RFX4: variants seen among roughly 807,000 people sequenced by gnomAD.
RFX4 encodes the protein transcription factor RFX4.
A neutral mutation model predicts 95.0 loss-of-function variants in RFX4; 10 were observed. That is an observed-to-expected ratio of 0.11 (90% confidence interval 0.06 to 0.18). The LOEUF (loss-of-function observed/expected upper bound fraction) is 0.18, where lower values mean the gene tolerates loss of function less well. Ranked by LOEUF, RFX4 falls within the 10% of genes least tolerant of loss-of-function variation. The pLI is 1.00. For synonymous variants in RFX4, 321 were observed against 340.7 expected (o/e 0.94, Z 0.64); for missense variants, 640 against 922.0 (o/e 0.69, Z 3.96).
chr12:106,600,401 G>C (rs77330491), intron 1 of RFX4, among the ~76,000 whole-genome samples: 1 of 149,356 alleles, frequency 6.7e-6, no homozygotes, highest in African/African-American at 2.5e-5. Context: ...TTTTTCTCTC[G>C]CGTGGCACTC....
chr12:106,601,946 C>T lies in RFX4; in HGVS notation c.44-6851C>T, dbSNP rs546837659. Among the ~76,000 whole-genome samples the T allele has an allele frequency of 2.6e-5, 4 of 152,330 alleles. No homozygotes were observed. In the South Asian group the frequency reaches 6.2e-4, roughly 24 times the overall value. ...TAAGGACCAGCTGAAATGCCACCCCCTCTGTGAAGCAGCCAGGCTTTCCTC... is the reference window on the plus strand; with the variant it reads ...TAAGGACCAGCTGAAATGCCACCCCTTCTGTGAAGCAGCCAGGCTTTCCTC... On this transcript the variant is annotated intron_variant, in intron 1 of 17. Coordinates refer to ENST00000392842, the MANE Select transcript of RFX4 (RefSeq NM_213594.3).
At chr12:106,688,020 TG>T (rs2041697300) in intron 6 of RFX4, among the ~76,000 whole-genome samples, 1 of 151,800 alleles carries the variant, frequency 6.6e-6, no homozygotes, top group Non-Finnish European at 1.5e-5. Context: ...AGCAAGTTAC[TG>T]GAAAAATAAA....
intron 4 of RFX4, among the ~76,000 whole-genome samples, chr12:106,680,356 C>T (rs1469188759): frequency 8.5e-5 from 13 of 152,158 alleles, no homozygotes; most frequent in African/African-American, 2.2e-4. Context: ...TAGTTGAGAT[C>T]ACCAACACCT....
At chr12:106,745,135 C>T (rs2042868591) in intron 15 of RFX4, among the ~76,000 whole-genome samples, 1 of 152,032 alleles carries the variant, frequency 6.6e-6, no homozygotes, top group Admixed American at 6.6e-5. Context: ...TTTTTTGCCT[C>T]CAATTCTGCT....
chr12:106,612,348 T>A (rs1422385868), intron 2 of RFX4, among the ~76,000 whole-genome samples: 1 of 152,234 alleles, frequency 6.6e-6, no homozygotes, highest in African/African-American at 2.4e-5. Flanking sequence ...TATTCCTAAG[T>A]ATTTTATTCT....
Position 106,689,298 on chromosome 12 carries a change from T to A in RFX4, c.603T>A (p.Phe201Leu). The change falls in exon 7 of 18, where the codon TTT becomes TTA. Residue 201 changes from phenylalanine to leucine, a missense_variant. This residue lies in a region of RFX4 where 89 missense variants were observed against 173.8 expected (regional missense o/e 0.51). Transcript: ENST00000392842. The stretch of plus-strand genomic sequence containing the variant: ...ACACACCCCCACAGGTTTCTACCTT[T>A]ATTATGATGTACAGAACACACTGTC... Reference protein sequence around the residue: ...ASLPEEKVSTFIMMYRTHCQR... With the variant: ...ASLPEEKVSTLIMMYRTHCQR... 1.9e-6 allele frequency: 3 copies of A among 1,613,470 alleles called. No homozygotes were observed. In the South Asian group the frequency reaches 3.3e-5, roughly 18 times the overall value.
chr12:106,597,055 C>T (rs554254333), intron 1 of RFX4, among the ~76,000 whole-genome samples: 2 of 152,344 alleles, frequency 1.3e-5, no homozygotes, highest in East Asian at 3.9e-4. Context: ...ATGTGCTAGG[C>T]ACAGTGTGAG....
At chr12:106,740,451 G>C (rs2042786588) in intron 15 of RFX4, among the ~76,000 whole-genome samples, 1 of 152,098 alleles carries the variant, frequency 6.6e-6, no homozygotes, top group South Asian at 2.1e-4. Context: ...TTCTTTAAAG[G>C]AATGGAATCA....
chr12:106,639,295 CCTACTGAAGTTAG>C (rs2040572204), intron 2 of RFX4, 24 bp from the exon 3 acceptor site: 1 of 1,581,324 alleles, frequency 6.3e-7, no homozygotes. Context: ...CCTACTGTTT[CCTACTGAAGTTAG>C]CTTCTTTTTC....
Position 106,583,223 on chromosome 12 carries a change from T to TACCAAACAA in RFX4, c.-98_-97insACCAAACAA. On this transcript the variant is annotated 5_prime_UTR_variant, in exon 1 of 18. Transcript: ENST00000392842. ...TTCTGCGTCTCTCTCTCTCCCCTTC[T>TACCAAACAA]CCCTCCCTCCCTCCCTTCCTCCCTG... is the stretch of plus-strand genomic sequence containing the variant. 1.3e-6 allele frequency: 1 copy of TACCAAACAA among 782,864 alleles called. No homozygotes were observed. The allele number at this position is 782,864 out of a possible 1,614,324, so 48.5% of individuals were successfully genotyped here.
At chr12:106,653,020 T>C (rs1218909060) in intron 3 of RFX4, among the ~76,000 whole-genome samples, 1 of 152,216 alleles carries the variant, frequency 6.6e-6, no homozygotes, top group African/African-American at 2.4e-5. Context: ...TCCTAAAATC[T>C]AGTTAATGAT....
At chr12:106,752,752 G>A (rs1237107900) in intron 17 of RFX4, among the ~76,000 whole-genome samples, 1 of 152,082 alleles carries the variant, frequency 6.6e-6, no homozygotes, top group Non-Finnish European at 1.5e-5. Flanking sequence ...ACATCTCCTT[G>A]GGCTCCTCAC....
In RFX4 at chr12:106,732,297, G is replaced by C. The variant is rs369663944; in HGVS notation, c.1471+48G>C. On this transcript the variant is annotated intron_variant, in intron 14 of 17. Transcript: ENST00000392842. ...ATTGCACCACTTGGTAATGTTATTTGTATCCTTACTTCTGTGCTTTATGTT... is the reference window on the plus strand; with the variant it reads ...ATTGCACCACTTGGTAATGTTATTTCTATCCTTACTTCTGTGCTTTATGTT... The C allele has an allele frequency of 2.7e-5, 44 of 1,607,416 alleles. No individual in the cohort carries two copies. In the African/African-American group the frequency reaches 3.2e-4, roughly 12 times the overall value.
rs547633857 is a variant in RFX4, at chr12:106,641,504, C to T, written c.191+2112C>T. ...CACAGGGACCACCTGGAGCAGGCCCCGTCTCCTCCCTGGCATAGGCACAGC... is the reference window on the plus strand; with the variant it reads ...CACAGGGACCACCTGGAGCAGGCCCTGTCTCCTCCCTGGCATAGGCACAGC... On this transcript the variant is annotated intron_variant, in intron 3 of 17. Coordinates refer to ENST00000392842, the MANE Select transcript of RFX4 (RefSeq NM_213594.3). Among the ~76,000 whole-genome samples, 7 of 152,290 alleles carry T rather than the reference C, an allele frequency of 4.6e-5. No individual in the cohort carries two copies. The East Asian group carries it at 5.8e-4, about 13-fold the overall frequency.
At position 106,646,818 on chromosome 12, in the gene RFX4, A is replaced by G. The variant is rs2040757363; in HGVS notation, c.192-7410A>G. Among the ~76,000 whole-genome samples, 3 of 152,126 alleles carry G rather than the reference A, an allele frequency of 2.0e-5. No individual in the cohort carries two copies. The South Asian group carries it at 6.2e-4, about 32-fold the overall frequency. ...AGTCTCTTTCTACACAAAGAGGGGGACATTCCTGACTCCCCAGGGAAATCC... is the reference window on the plus strand; with the variant it reads ...AGTCTCTTTCTACACAAAGAGGGGGGCATTCCTGACTCCCCAGGGAAATCC... On this transcript the variant is annotated intron_variant, in intron 3 of 17. Transcript: ENST00000392842.
chr12:106,631,865 C>T (rs1043474680), intron 2 of RFX4, among the ~76,000 whole-genome samples: 2 of 152,206 alleles, frequency 1.3e-5, no homozygotes, highest in South Asian at 4.1e-4. Context: ...GTGAATAACC[C>T]TGTCCCTGCT....
At chr12:106,759,018 G>C (rs2043162570) in intron 17 of RFX4, among the ~76,000 whole-genome samples, 1 of 152,052 alleles carries the variant, frequency 6.6e-6, no homozygotes, top group South Asian at 2.1e-4. Flanking sequence ...CAGATGTTGG[G>C]AACATGGTGT....
intron 3 of RFX4, among the ~76,000 whole-genome samples, chr12:106,648,531 A>G (rs915626094): frequency 6.6e-6 from 1 of 150,450 alleles, no homozygotes; most frequent in African/African-American, 2.4e-5. Flanking sequence ...GATCTCTGTG[A>G]CAACTTCAGT....
chr12:106,714,760 C>T (rs2042257024), intron 10 of RFX4, among the ~76,000 whole-genome samples: 1 of 152,100 alleles, frequency 6.6e-6, no homozygotes, highest in African/African-American at 2.4e-5. Context: ...TAATTATTCA[C>T]ACACTATACA....
Sources: gnomAD v4.1 joint callset for allele counts (sites outside exome capture counted in the v4.1 genomes callset) on GRCh38, gnomAD v4.1.1 for gene constraint, gnomAD v4.1.1 regional missense constraint, MANE v1.5 for transcripts, NCBI Gene and HGNC (gene_info 2026-07-23, HGNC 2026-07-21) for gene names.